Variants in ZNRF1 observed in about 807,000 individuals in gnomAD.
ZNRF1 encodes E3 ubiquitin-protein ligase ZNRF1.
ZNRF1 carries 3 observed loss-of-function variants against 18.4 expected under a neutral mutation model. The observed-to-expected ratio is 0.16, with a 90% CI of 0.07 to 0.42. The LOEUF (loss-of-function observed/expected upper bound fraction) is 0.42. Ranked by LOEUF, ZNRF1 falls within the 10% of genes least tolerant of loss-of-function variation. The pLI, the probability that ZNRF1 is intolerant of heterozygous loss-of-function variation, is 0.99. For missense variants in ZNRF1, 310 were observed against 329.8 expected (o/e 0.94, Z 0.47); for synonymous variants, 157 against 144.2 (o/e 1.09, Z -0.64).
At chr16:75,018,540 C>T (rs1010016336) in intron 1 of ZNRF1, among the ~76,000 whole-genome samples, 2 of 152,202 alleles carry the variant, frequency 1.3e-5, no homozygotes, top group East Asian at 1.9e-4. Context: ...CTTTTGGAAG[C>T]ATCACATATG....
At chr16:75,088,584 T>C (rs1039304612) in intron 1 of ZNRF1, among the ~76,000 whole-genome samples, 1 of 152,202 alleles carries the variant, frequency 6.6e-6, no homozygotes, top group Non-Finnish European at 1.5e-5. Flanking sequence ...CTTTCTGCCA[T>C]GTAACTCTTC....
chr16:75,065,104 C>T (rs775845076), intron 1 of ZNRF1, among the ~76,000 whole-genome samples: 44 of 152,202 alleles, frequency 2.9e-4, no homozygotes, highest in African/African-American at 2.4e-4. Context: ...TTTCATGCAA[C>T]GAGAAATTAT....
chr16:75,036,356 C>A (rs569980475), intron 1 of ZNRF1, among the ~76,000 whole-genome samples: 2 of 152,214 alleles, frequency 1.3e-5, no homozygotes, highest in African/African-American at 4.8e-5. Context: ...GTCTTGAACT[C>A]CTGAACCTCA....
chr16:75,106,350 T>C (rs956859430), intron 3 of ZNRF1, 132 bp from the exon 4 acceptor site: 2 of 827,320 alleles, frequency 2.4e-6, no homozygotes, highest in Non-Finnish European at 3.9e-6. Flanking sequence ...GGGACATGAC[T>C]GTGTTTCCCT....
At chr16:75,085,145 G>A (rs1208473044) in intron 1 of ZNRF1, among the ~76,000 whole-genome samples, 1 of 152,064 alleles carries the variant, frequency 6.6e-6, no homozygotes, top group Admixed American at 6.6e-5. Flanking sequence ...TCATGATATA[G>A]AACATTTTTG....
Position 75,082,602 on chromosome 16 carries a change from G to A in ZNRF1, c.425-10970G>A, listed in dbSNP as rs558288738. On this transcript the variant is annotated intron_variant, in intron 1 of 4. Transcript: ENST00000335325. The stretch of plus-strand genomic sequence containing the variant: ...GGGGTCTTGCTCTGTCACCCAGGTT[G>A]GAGTACAATGGCCCAATCAAGGCTG... Among the ~76,000 whole-genome samples the A allele has an allele frequency of 3.3e-5, 5 of 152,246 alleles. No individual in the cohort carries two copies. In the South Asian group the frequency reaches 1.0e-3, roughly 32 times the overall value.
chr16:75,073,537 A>G (rs1004742055), intron 1 of ZNRF1, among the ~76,000 whole-genome samples: 26 of 152,116 alleles, frequency 1.7e-4, no homozygotes, highest in African/African-American at 6.3e-4. Context: ...CTGTGCATAC[A>G]TGGGTTTTGT....
Position 75,000,878 on chromosome 16 carries a change from C to T in ZNRF1, c.424+783C>T, listed in dbSNP as rs114021873. Among the ~76,000 whole-genome samples the T allele has an allele frequency of 4.9e-3, 748 of 152,268 alleles. 6 individuals carry two copies. Among genetic ancestry groups the T allele is most frequent in the African/African-American group, 0.017 (718 of 41,544 alleles). On this transcript the variant is annotated intron_variant, in intron 1 of 4. Coordinates refer to ENST00000335325, the MANE Select transcript of ZNRF1 (RefSeq NM_032268.5). ...GCCTGTCACGGTGGGGCATTATTGC[C>T]TGGCTGTTGGCACATGACTGGGGAA...
intron 1 of ZNRF1, among the ~76,000 whole-genome samples, chr16:75,027,156 A>C (rs1374751555): frequency 6.6e-6 from 1 of 152,000 alleles, no homozygotes; most frequent in African/African-American, 2.4e-5. Context: ...CTGTAATCCC[A>C]GCACTTTGGG....
intron 3 of ZNRF1, 174 bp from the exon 4 acceptor site, chr16:75,106,308 C>T (rs1206624734): frequency 4.7e-6 from 3 of 641,234 alleles, no homozygotes; most frequent in Non-Finnish European, 5.5e-6. Flanking sequence ...GGTGTTCACC[C>T]TTCTTCGTGC....
At chr16:75,022,176 A>G (rs1310852240) in intron 1 of ZNRF1, among the ~76,000 whole-genome samples, 1 of 152,034 alleles carries the variant, frequency 6.6e-6, no homozygotes, top group Admixed American at 6.6e-5. Context: ...AATCACTTGG[A>G]CCCAGGAGGC....
chr16:75,107,957 C>CT lies in ZNRF1; in HGVS notation c.*262dup, dbSNP rs1168933012. On this transcript the variant is annotated 3_prime_UTR_variant, in exon 5 of 5. Coordinates refer to ENST00000335325, the MANE Select transcript of ZNRF1 (RefSeq NM_032268.5). ...CAGCCCAGGAGGGAAAGGGCATTTT[C>CT]TTTTTCATCTTTGAAAGGCATTGTG... is the stretch of plus-strand genomic sequence containing the variant. The CT allele has an allele frequency of 2.8e-6, 1 of 352,288 alleles. No homozygotes were observed. Among genetic ancestry groups the CT allele is most frequent in the African/African-American group, 2.2e-5 (1 of 46,392 alleles). 21.8% of individuals were successfully genotyped at this position (352,288 alleles called of 1,614,324 possible).
chr16:75,031,332 ATG>A (rs1267068289), intron 1 of ZNRF1, among the ~76,000 whole-genome samples: 3 of 151,628 alleles, frequency 2.0e-5, no homozygotes. Context: ...GGGTTTCACC[ATG>A]TTGGTCAGGA....
chr16:75,052,531 C>G (rs1426239520), intron 1 of ZNRF1, among the ~76,000 whole-genome samples: 2 of 152,122 alleles, frequency 1.3e-5, no homozygotes, highest in Non-Finnish European at 2.9e-5. Context: ...TGACCACTAC[C>G]CTTTTAAATA....
rs1481910366 is a variant in ZNRF1 at position 75,106,475 on chromosome 16, C to G, written c.627-7C>G. The G allele has an allele frequency of 6.8e-6, 11 of 1,614,156 alleles. No individual in the cohort carries two copies. Among genetic ancestry groups the G allele is most frequent in the Non-Finnish European group, 8.5e-6 (10 of 1,180,016 alleles). The stretch of plus-strand genomic sequence containing the variant: ...ACGTGGTTTCCCTTGCGGCCCCCTC[C>G]TCCCAGCTGCATAGACTCGTGGTTT... On this transcript the variant is annotated splice_region_variant and splice_polypyrimidine_tract_variant and intron_variant, in intron 3 of 4. Coordinates refer to ENST00000335325, the MANE Select transcript of ZNRF1 (RefSeq NM_032268.5).
intron 1 of ZNRF1, among the ~76,000 whole-genome samples, chr16:75,003,975 T>C (rs1301229760): frequency 6.7e-6 from 1 of 149,056 alleles, no homozygotes; most frequent in African/African-American, 2.5e-5. Flanking sequence ...TTTTTTTTTC[T>C]TTTGAGACAG....
intron 1 of ZNRF1, among the ~76,000 whole-genome samples, chr16:75,076,521 C>A (rs1257609051): frequency 1.3e-5 from 2 of 151,806 alleles, no homozygotes; most frequent in East Asian, 3.9e-4. Flanking sequence ...TTCCTTACAA[C>A]TTAATAACTA....
At chr16:75,006,960 T>C (rs542074919) in intron 1 of ZNRF1, among the ~76,000 whole-genome samples, 1 of 152,304 alleles carries the variant, frequency 6.6e-6, no homozygotes, top group Non-Finnish European at 1.5e-5. Flanking sequence ...TTTCTGTCCT[T>C]TATGTGCTGT....
chr16:75,091,956 T>C (rs2036145399), intron 1 of ZNRF1, among the ~76,000 whole-genome samples: 1 of 152,148 alleles, frequency 6.6e-6, no homozygotes, highest in South Asian at 2.1e-4. Flanking sequence ...AAATGTATTA[T>C]ATACTGTATT....
Sources: allele counts gnomAD v4.1 joint callset (sites outside exome capture counted in the v4.1 genomes callset), GRCh38; gene constraint gnomAD v4.1.1; transcripts MANE v1.5; gene names NCBI Gene and HGNC (gene_info 2026-07-23, HGNC 2026-07-21).